HDAC11: variants seen among roughly 807,000 people sequenced by gnomAD.
HDAC11 encodes the protein histone deacetylase 11.
In HDAC11, 23 loss-of-function variants were observed where a neutral mutation model predicts 41.1. The observed-to-expected ratio is 0.56, with a 90% CI of 0.40 to 0.79. HDAC11 has a LOEUF of 0.79. Ranked by LOEUF, HDAC11 falls within the 30% of genes least tolerant of loss-of-function variation. The pLI is 0.00. For synonymous variants in HDAC11, 187 were observed against 186.6 expected (o/e 1.00, Z -0.02); for missense variants, 402 against 477.3 (o/e 0.84, Z 1.47).
In HDAC11 at chr3:13,504,613, T is replaced by C. The variant is rs370574326; in HGVS notation, c.974T>C (p.Ile325Thr). Residue 325 changes from isoleucine to threonine, a missense_variant, in exon 10 of 10, where the codon ATT (isoleucine) becomes ACT (threonine). Ile to Thr is a moderately conservative substitution (Grantham distance 89, BLOSUM62 -1). Transcript: ENST00000295757. ...CTTAATCTGTTTGGCCTGGGGCTCA[T>C]TGGGCCTGAGTCACCCAGCGTCTCC... ...SILNLFGLGL[I>T]GPESPSVSAQ... 8.2e-5 allele frequency: 133 copies of C among 1,613,700 alleles called. No individual in the cohort carries two copies. The highest frequency in any genetic ancestry group is 1.0e-4 in the Admixed American group (6 of 60,002).
At chr3:13,495,922 G>A (rs1320779932) in intron 3 of HDAC11, among the ~76,000 whole-genome samples, 8 of 152,236 alleles carry the variant, frequency 5.3e-5, no homozygotes, top group Non-Finnish European at 1.0e-4. Context: ...GTGTCTGCAA[G>A]TGTCCTGGCA....
intron 3 of HDAC11, among the ~76,000 whole-genome samples, chr3:13,484,400 T>G (rs541316621): frequency 5.8e-4 from 88 of 152,324 alleles, no homozygotes; most frequent in African/African-American, 2.1e-3. Flanking sequence ...GGAGGGCCGG[T>G]GGTAGAGTCT....
intron 3 of HDAC11, among the ~76,000 whole-genome samples, chr3:13,495,515 C>T (rs2125007338): frequency 6.6e-6 from 1 of 152,296 alleles, no homozygotes; most frequent in East Asian, 1.9e-4. Flanking sequence ...ATACCTGCTC[C>T]TCTTACCACC....
At chr3:13,490,147 C>T (rs1701782317) in intron 3 of HDAC11, among the ~76,000 whole-genome samples, 1 of 152,118 alleles carries the variant, frequency 6.6e-6, no homozygotes, top group Admixed American at 6.6e-5. Flanking sequence ...GCGCCCGGCA[C>T]CACGCCTAGC....
intron 2 of HDAC11, among the ~76,000 whole-genome samples, 174 bp downstream of exon 2, chr3:13,481,568 G>A (rs139421867): frequency 4.6e-5 from 7 of 152,176 alleles, no homozygotes; most frequent in African/African-American, 1.7e-4. Context: ...TCCTAATCAC[G>A]ATATGATGTC....
At chr3:13,486,288 AAG>A (rs1464151355) in intron 3 of HDAC11, among the ~76,000 whole-genome samples, 7,998 of 142,458 alleles carry the variant, frequency 0.056, 441 homozygotes, top group South Asian at 0.082. Context: ...AAAAAAAAAA[AAG>A]AAAAAGATGA....
In HDAC11 at chr3:13,480,334, G is replaced by A. The variant is rs1357290990; in HGVS notation, c.-14G>A. The A allele has an allele frequency of 8.2e-7, 1 of 1,225,952 alleles. No individual in the cohort carries two copies. The highest frequency in any genetic ancestry group is 1.0e-6 in the Non-Finnish European group (1 of 984,224). 75.9% of individuals were successfully genotyped at this position (1,225,952 alleles called of 1,614,324 possible). On this transcript the variant is annotated 5_prime_UTR_variant, in exon 1 of 10. Transcript: ENST00000295757. This position sits in a 1 kb window ranked among gnomAD's most constrained non-coding sequence, Gnocchi z 4.6. Reference sequence around the variant, plus strand: ...CGCGGAGCTGCGGCCAGCTTTGGGAGGGCCGGCCCCGGGATGTGAGTGCCG... The same window carrying A: ...CGCGGAGCTGCGGCCAGCTTTGGGAAGGCCGGCCCCGGGATGTGAGTGCCG...
At position 13,481,556 on chromosome 3, in the gene HDAC11, A is replaced by G. The variant is rs147497188; in HGVS notation, c.151+162A>G. Among the ~76,000 whole-genome samples the G allele has an allele frequency of 5.7e-3, 864 of 151,442 alleles. 13 individuals are homozygous for G. Among genetic ancestry groups the G allele is most frequent in the African/African-American group, 0.02 (838 of 41,196 alleles). On this transcript the variant is annotated intron_variant, in intron 2 of 9. Coordinates refer to ENST00000295757, the MANE Select transcript of HDAC11 (RefSeq NM_024827.4). Reference sequence around the variant, plus strand: ...GCCCAAAATGATTTTTCCAACACAGACTCCTAATCACGATATGATGTCCCT... The same window carrying G: ...GCCCAAAATGATTTTTCCAACACAGGCTCCTAATCACGATATGATGTCCCT...
At chr3:13,490,261 G>A (rs1424439838) in intron 3 of HDAC11, among the ~76,000 whole-genome samples, 2 of 152,022 alleles carry the variant, frequency 1.3e-5, no homozygotes, top group Non-Finnish European at 2.9e-5. Context: ...CAAAGTGCTG[G>A]GATTACAGGC....
At chr3:13,484,053 G>T (rs1334989253) in intron 3 of HDAC11, among the ~76,000 whole-genome samples, 1 of 152,168 alleles carries the variant, frequency 6.6e-6, no homozygotes, top group Non-Finnish European at 1.5e-5. Context: ...CGCCTTCCGG[G>T]TTCAAGCAAT....
chr3:13,502,855 C>A lies in HDAC11; in HGVS notation c.553-29C>A. On this transcript the variant is annotated intron_variant, in intron 7 of 9. Transcript: ENST00000295757. The surrounding 1 kb of genome is among the most constrained non-coding windows in gnomAD (Gnocchi z 4.1). ...CCCAGCCTTGCCTAGGGCACCTACC[C>A]GAGAGCGGCTACTGTGACCTCCCCA... is the stretch of plus-strand genomic sequence containing the variant. The A allele has an allele frequency of 6.3e-7, 1 of 1,593,208 alleles. No individual in the cohort carries two copies. The highest frequency in any genetic ancestry group is 8.6e-7 in the Non-Finnish European group (1 of 1,162,400).
chr3:13,486,656 G>A (rs894041345), intron 3 of HDAC11, among the ~76,000 whole-genome samples: 20 of 141,160 alleles, frequency 1.4e-4, no homozygotes, highest in Admixed American at 5.4e-4. Context: ...TCAGCTCACA[G>A]CAACCTCTGC....
intron 3 of HDAC11, among the ~76,000 whole-genome samples, chr3:13,494,247 G>A (rs1477550656): frequency 6.6e-6 from 1 of 152,222 alleles, no homozygotes; most frequent in Non-Finnish European, 1.5e-5. Flanking sequence ...CCCAGGGAGG[G>A]AGGGAGGCTG....
chr3:13,495,385 G>A (rs1317808172), intron 3 of HDAC11, among the ~76,000 whole-genome samples: 1 of 152,104 alleles, frequency 6.6e-6, no homozygotes, highest in African/African-American at 2.4e-5. Flanking sequence ...CCCATAGAGA[G>A]CAGAACCTAG....
chr3:13,498,329 C>T (rs1171544283), intron 4 of HDAC11, among the ~76,000 whole-genome samples, 184 bp from the exon 5 acceptor site: 1 of 152,204 alleles, frequency 6.6e-6, no homozygotes, highest in African/African-American at 2.4e-5. Context: ...GCCAAGCTGG[C>T]ACTTACTTCC....
At chr3:13,498,587 A>C (rs538758739) in intron 5 of HDAC11, 32 bp downstream of exon 5, 2 of 1,581,560 alleles carry the variant, frequency 1.3e-6, no homozygotes, top group African/African-American at 2.7e-5. Flanking sequence ...GGGAATGTCC[A>C]GCCCGGCTTG....
rs1185365891 is a variant in HDAC11, at chr3:13,490,270, G to T, written c.253-6466G>T. On this transcript the variant is annotated intron_variant, in intron 3 of 9. Transcript: ENST00000295757. ...GCCTCCCAAAGTGCTGGGATTACAG[G>T]CATGAGCCACCGTGCCCAGCCAACT... Among the ~76,000 whole-genome samples the T allele has an allele frequency of 3.3e-5, 5 of 152,288 alleles. No homozygotes were observed. In the East Asian group the frequency reaches 7.7e-4, roughly 24 times the overall value.
At chr3:13,486,687 C>T (rs900957201) in intron 3 of HDAC11, among the ~76,000 whole-genome samples, 3 of 150,248 alleles carry the variant, frequency 2.0e-5, no homozygotes, top group African/African-American at 7.4e-5. Context: ...AAGCGATTCT[C>T]CTGCCTCAGC....
rs528938369 is a variant in HDAC11, at chr3:13,497,722, G to A, written c.370-791G>A. Reference sequence around the variant, plus strand: ...ACCCAGCCCTGGATCACTACCTACTGATCCCCTACAGTTCTGTTATGTTTG... The same window carrying A: ...ACCCAGCCCTGGATCACTACCTACTAATCCCCTACAGTTCTGTTATGTTTG... On this transcript the variant is annotated intron_variant, in intron 4 of 9. Transcript: ENST00000295757. Among the ~76,000 whole-genome samples the A allele has an allele frequency of 3.3e-5, 5 of 152,130 alleles. No individual in the cohort carries two copies. The East Asian group carries it at 7.7e-4, about 24-fold the overall frequency.
Sources: gnomAD v4.1 joint callset for allele counts (sites outside exome capture counted in the v4.1 genomes callset) on GRCh38, gnomAD v4.1.1 for gene constraint, Gnocchi (gnomAD v3.1) non-coding constraint, MANE v1.5 for transcripts, NCBI Gene and HGNC (gene_info 2026-07-23, HGNC 2026-07-21) for gene names.